The following PHACTR1 variants were observed in gnomAD, a reference collection of about 807,000 sequenced individuals.
PHACTR1 encodes the protein phosphatase and actin regulator 1, also known as RPEL repeat containing 1.
In PHACTR1, 16 loss-of-function variants were observed where a neutral mutation model predicts 69.2. The observed-to-expected ratio is 0.23, with a 90% CI of 0.16 to 0.35. The LOEUF is 0.35. PHACTR1 is among the 10% of genes least tolerant of loss of function. PHACTR1 has a pLI of 1.00. For missense variants in PHACTR1, 510 were observed against 734.7 expected (o/e 0.69, Z 3.54); for synonymous variants, 312 against 284.5 (o/e 1.10, Z -0.97).
chr6:13,008,241 A>C (rs189567773), intron 4 of PHACTR1, among the ~76,000 whole-genome samples: 57 of 152,358 alleles, frequency 3.7e-4, no homozygotes, highest in Non-Finnish European at 5.9e-4. Flanking sequence ...ACTGTGGTGG[A>C]AAAGCCTCAC....
intron 3 of PHACTR1, among the ~76,000 whole-genome samples, chr6:12,722,555 T>C (rs1444902590): frequency 6.6e-6 from 1 of 152,152 alleles, no homozygotes; most frequent in Non-Finnish European, 1.5e-5. Context: ...TCCAGGAGGG[T>C]GAGAAGAAAA....
intron 3 of PHACTR1, among the ~76,000 whole-genome samples, chr6:12,744,985 G>A (rs2127590848): frequency 6.6e-6 from 1 of 152,186 alleles, no homozygotes; most frequent in East Asian, 1.9e-4. Context: ...GAAAATCTAG[G>A]TATACAGGTC....
At chr6:13,249,105 T>C (rs925261058) in intron 10 of PHACTR1, among the ~76,000 whole-genome samples, 6 of 152,198 alleles carry the variant, frequency 3.9e-5, no homozygotes, top group Non-Finnish European at 8.8e-5. Flanking sequence ...CTTTTGGCCA[T>C]GCTCGTGTAG....
chr6:13,281,720 A>G (rs541118332), intron 12 of PHACTR1, among the ~76,000 whole-genome samples: 18 of 152,260 alleles, frequency 1.2e-4, no homozygotes, highest in East Asian at 1.9e-4. Flanking sequence ...ATAGCACAAA[A>G]TCTCCCTGCA....
chr6:12,990,195 G>A (rs1235398849), intron 4 of PHACTR1, among the ~76,000 whole-genome samples: 1 of 152,136 alleles, frequency 6.6e-6, no homozygotes, highest in Non-Finnish European at 1.5e-5. Flanking sequence ...TAGGAGCCCT[G>A]GGCCCAGACC....
intron 4 of PHACTR1, among the ~76,000 whole-genome samples, chr6:12,944,754 A>ATTATTTATTTATTTATTTATTTATTTAT (rs1181743004): frequency 6.8e-6 from 1 of 147,666 alleles, no homozygotes; most frequent in African/African-American, 2.5e-5. Context: ...CACCTTTTGA[A>ATTATTTATTTATTTATTTATTTATTTAT]TTATTTATTT....
At chr6:12,901,242 G>A (rs1435820263) in intron 4 of PHACTR1, among the ~76,000 whole-genome samples, 5 of 152,112 alleles carry the variant, frequency 3.3e-5, no homozygotes, top group African/African-American at 4.8e-5. Flanking sequence ...TCTACACACC[G>A]GTACCAAAAA....
chr6:12,996,505 C>A (rs985848352), intron 4 of PHACTR1, among the ~76,000 whole-genome samples: 1 of 152,030 alleles, frequency 6.6e-6, no homozygotes, highest in Non-Finnish European at 1.5e-5. Flanking sequence ...CCAATATTGA[C>A]TGAAGAAGCA....
At chr6:12,950,999 A>G (rs1332238222) in intron 4 of PHACTR1, among the ~76,000 whole-genome samples, 2 of 152,196 alleles carry the variant, frequency 1.3e-5, no homozygotes, top group Admixed American at 6.5e-5. Context: ...ACGGACCAAC[A>G]AAAGGGCCTG....
intron 4 of PHACTR1, among the ~76,000 whole-genome samples, chr6:12,869,723 C>G (rs1234246511): frequency 6.6e-6 from 1 of 152,224 alleles, no homozygotes; most frequent in Non-Finnish European, 1.5e-5. Context: ...ACATGAGATT[C>G]TTTTGGATCA....
At chr6:13,009,346 T>C (rs1056000929) in intron 4 of PHACTR1, among the ~76,000 whole-genome samples, 1 of 152,152 alleles carries the variant, frequency 6.6e-6, no homozygotes, top group African/African-American at 2.4e-5. Flanking sequence ...AGAAATTGAA[T>C]GAATAGCTTG....
At chr6:13,118,471 ATTTTTTTTTTTT>A (rs140486749) in intron 5 of PHACTR1, among the ~76,000 whole-genome samples, 1 of 72,812 alleles carries the variant, frequency 1.4e-5, no homozygotes, top group African/African-American at 5.2e-5. Context: ...AACCAGGGCC[ATTTTTTTTTTTT>A]TTTTTTTTTT....
At chr6:12,754,128 A>ATTTTTTTTTT (rs34841058) in intron 4 of PHACTR1, among the ~76,000 whole-genome samples, 4 of 112,426 alleles carry the variant, frequency 3.6e-5, no homozygotes, top group Non-Finnish European at 3.5e-5. Flanking sequence ...ACGCCTGGCT[A>ATTTTTTTTTT]TTTTTTTTTT....
rs553350692 is a variant in PHACTR1 at position 12,820,562 on chromosome 6, G to T, written c.250+70772G>T. Among the ~76,000 whole-genome samples the T allele has an allele frequency of 1.6e-4, 24 of 152,224 alleles. No individual in the cohort carries two copies. In the South Asian group the frequency reaches 2.5e-3, roughly 16 times the overall value. The stretch of plus-strand genomic sequence containing the variant: ...CTTTATATAACATCCCTCTCCTCCT[G>T]CTCTCCTCTCTTCTCGCTTTCTCCT... On this transcript the variant is annotated intron_variant, in intron 4 of 14. Transcript: ENST00000332995.
chr6:12,860,107 C>G (rs1358338045), intron 4 of PHACTR1, among the ~76,000 whole-genome samples: 1 of 152,054 alleles, frequency 6.6e-6, no homozygotes, highest in Non-Finnish European at 1.5e-5. Flanking sequence ...CACCCATCAA[C>G]CTGTCATCTA....
At chr6:13,059,633 T>TTA (rs1210069969) in intron 5 of PHACTR1, among the ~76,000 whole-genome samples, 4 of 152,328 alleles carry the variant, frequency 2.6e-5, no homozygotes, top group Non-Finnish European at 5.9e-5. Context: ...TTGCACACAG[T>TTA]TATACCTCAA....
intron 4 of PHACTR1, among the ~76,000 whole-genome samples, chr6:12,918,975 A>T (rs1235326798): frequency 6.6e-6 from 1 of 152,080 alleles, no homozygotes; most frequent in Non-Finnish European, 1.5e-5. Context: ...GGCTTTGTAA[A>T]GACTTTTTAT....
chr6:13,213,179 A>C lies in PHACTR1; in HGVS notation c.986+7043A>C, dbSNP rs577168364. On this transcript the variant is annotated intron_variant, in intron 8 of 14. Coordinates refer to ENST00000332995, the MANE Select transcript of PHACTR1 (RefSeq NM_030948.6). ...CTGCAGTGATATTCTTTCACTTATT[A>C]ATCTGCTTCCTATTGATGGATTGAG... is the stretch of plus-strand genomic sequence containing the variant. Among the ~76,000 whole-genome samples, 3 of 152,338 alleles carry C rather than the reference A, an allele frequency of 2.0e-5. No individual in the cohort carries two copies. The South Asian group carries it at 6.2e-4, about 32-fold the overall frequency.
chr6:13,226,252 G>A (rs1035417142), intron 8 of PHACTR1, among the ~76,000 whole-genome samples: 2 of 152,058 alleles, frequency 1.3e-5, no homozygotes, highest in Non-Finnish European at 2.9e-5. Context: ...AAAATACAAA[G>A]AGAAAAACAG....
Sources: allele counts gnomAD v4.1 joint callset (sites outside exome capture counted in the v4.1 genomes callset), GRCh38; gene constraint gnomAD v4.1.1; transcripts MANE v1.5; gene names NCBI Gene and HGNC (gene_info 2026-07-23, HGNC 2026-07-21).